Variants in ELF2 observed in about 807,000 individuals in gnomAD.
ELF2 encodes ETS-related transcription factor Elf-2.
ELF2 carries 11 observed loss-of-function variants against 54.8 expected under a neutral mutation model. That is an observed-to-expected ratio of 0.20 (90% CI 0.13 to 0.33). The LOEUF (loss-of-function observed/expected upper bound fraction) is 0.33. Among genes scored for constraint, ELF2 ranks in the 10% least tolerant of loss-of-function variants. The pLI is 1.00. For synonymous variants in ELF2, 203 were observed against 245.1 expected, an observed-to-expected ratio of 0.83 and a Z score of 1.61; for missense variants, 513 against 703.0, an observed-to-expected ratio of 0.73 and a Z score of 3.06.
intron 4 of ELF2, among the ~76,000 whole-genome samples, chr4:139,081,184 C>T (rs1731060849): frequency 6.6e-6 from 1 of 151,996 alleles, no homozygotes; most frequent in Non-Finnish European, 1.5e-5. Flanking sequence ...TTTTAAAGTA[C>T]GTCGAGTCTT....
chr4:139,059,717 A>ACT, intron 9 of ELF2, 110 bp from the exon 10 acceptor site: 2 of 1,307,354 alleles, frequency 1.5e-6, no homozygotes, highest in African/African-American at 1.5e-5. Context: ...TAGTGCTCCC[A>ACT]AATTTTACAG....
chr4:139,064,969 G>T (rs1728471697), intron 7 of ELF2, among the ~76,000 whole-genome samples: 1 of 152,100 alleles, frequency 6.6e-6, no homozygotes, highest in Non-Finnish European at 1.5e-5. Flanking sequence ...TATTACACCA[G>T]CATCACTACC....
chr4:139,114,784 G>C, intron 4 of ELF2: 3 of 1,445,626 alleles, frequency 2.1e-6, no homozygotes, highest in Non-Finnish European at 2.8e-6. Flanking sequence ...GAGGGGGCAG[G>C]GGAAGAGACC....
At chr4:139,172,755 T>G (rs1016036927) in intron 1 of ELF2, among the ~76,000 whole-genome samples, 9 of 151,970 alleles carry the variant, frequency 5.9e-5, no homozygotes, top group Non-Finnish European at 8.8e-5. Flanking sequence ...AATCTCTTAT[T>G]ATGTCTGATT....
intron 4 of ELF2, among the ~76,000 whole-genome samples, chr4:139,114,561 T>TCCAGTCTCTCACACACACA (rs70940492): frequency 4.6e-5 from 5 of 108,644 alleles, no homozygotes; most frequent in South Asian, 6.5e-4. Context: ...GACTTCAGTC[T>TCCAGTCTCTCACACACACA]CACACACACA....
chr4:139,095,511 T>C (rs1733164777), intron 4 of ELF2, among the ~76,000 whole-genome samples: 2 of 152,154 alleles, frequency 1.3e-5, no homozygotes, highest in Non-Finnish European at 2.9e-5. Context: ...ATATACTCTT[T>C]ATCAGGTTCC....
rs1731574221 is a variant in ELF2, at chr4:139,083,985, C to T, written c.239-10418G>A. The T allele has an allele frequency of 3.0e-6, 4 of 1,328,140 alleles. No homozygotes were observed. In the South Asian group the frequency reaches 5.3e-5, roughly 18 times the overall value. 82.3% of individuals were successfully genotyped at this position (1,328,140 alleles called of 1,614,324 possible). ...GATTCGTCGCCTCCATTACTTCATT[C>T]ACTCCCCCCTTTCCCCCAGCCGCCC... On this transcript the variant is annotated intron_variant, in intron 4 of 9. Coordinates refer to ENST00000686138, the MANE Select transcript of ELF2 (RefSeq NM_001331036.3).
chr4:139,073,263 G>C (rs1319660483), intron 5 of ELF2, among the ~76,000 whole-genome samples, 191 bp downstream of exon 5: 3 of 152,094 alleles, frequency 2.0e-5, no homozygotes, highest in Non-Finnish European at 2.9e-5. Context: ...TGTATCATTT[G>C]TTATGAAAAT....
intron 1 of ELF2, among the ~76,000 whole-genome samples, chr4:139,169,619 A>G (rs528872517): frequency 6.6e-6 from 1 of 152,220 alleles, no homozygotes; most frequent in East Asian, 1.9e-4. Context: ...GCACTTTGGG[A>G]GGCCCAGGTG....
intron 1 of ELF2, among the ~76,000 whole-genome samples, chr4:139,158,753 T>A (rs963559053): frequency 2.0e-5 from 3 of 152,104 alleles, no homozygotes; most frequent in Non-Finnish European, 4.4e-5. Flanking sequence ...ACTCAGGACA[T>A]CTAATTAGAG....
chr4:139,087,492 G>A (rs554829711), intron 4 of ELF2, among the ~76,000 whole-genome samples: 22 of 152,292 alleles, frequency 1.4e-4, no homozygotes, highest in African/African-American at 3.4e-4. Context: ...TTGAGACAGA[G>A]TCTCGCTCTG....
intron 4 of ELF2, among the ~76,000 whole-genome samples, chr4:139,097,201 G>A (rs571193635): frequency 1.2e-4 from 19 of 152,128 alleles, no homozygotes; most frequent in East Asian, 3.9e-4. Context: ...AGCCTCTGTC[G>A]CAGAGGCTGG....
At chr4:139,067,815 A>T (rs746544123) in intron 6 of ELF2, 45 bp from the exon 7 acceptor site, 1 of 1,518,506 alleles carries the variant, frequency 6.6e-7, no homozygotes, top group African/African-American at 1.4e-5. Context: ...AACAAGAAAA[A>T]TATGAGAGGC....
Position 139,080,077 on chromosome 4 carries a change from CATG to C in ELF2, c.239-6513_239-6511del, listed in dbSNP as rs374029588. On this transcript the variant is annotated intron_variant, in intron 4 of 9. Coordinates refer to ENST00000686138, the MANE Select transcript of ELF2 (RefSeq NM_001331036.3). The stretch of plus-strand genomic sequence containing the variant: ...GGAATCATTTTAAACAATTATCAAA[CATG>C]AGGAATTATTTTAAATAGTTATCAA... Among the ~76,000 whole-genome samples the C allele has an allele frequency of 6.1e-3, 928 of 152,278 alleles. 11 individuals are homozygous for C. The highest frequency in any genetic ancestry group is 0.021 in the African/African-American group (893 of 41,566).
intron 1 of ELF2, among the ~76,000 whole-genome samples, chr4:139,149,312 T>A (rs1453569479): frequency 6.6e-6 from 1 of 152,246 alleles, no homozygotes; most frequent in Admixed American, 6.5e-5. Flanking sequence ...TATAATTTTT[T>A]AAAAGAATAT....
chr4:139,068,421 T>C (rs1729036122), intron 6 of ELF2, among the ~76,000 whole-genome samples: 2 of 152,236 alleles, frequency 1.3e-5, no homozygotes, highest in East Asian at 1.9e-4. Flanking sequence ...TAGCAACTTA[T>C]TGCAGAAGAT....
rs146369741 is a variant in ELF2 at position 139,146,348 on chromosome 4, T to C, written c.-251-6851A>G. On this transcript the variant is annotated intron_variant, in intron 1 of 9. Transcript: ENST00000686138. Reference sequence around the variant, plus strand: ...GGTGAAAGATCTCTACAAGAAGAACTACAAACACTGATGAAAGAAACCATA... The same window carrying C: ...GGTGAAAGATCTCTACAAGAAGAACCACAAACACTGATGAAAGAAACCATA... 6.4e-4 allele frequency among the ~76,000 whole-genome samples: 98 copies of C among 152,168 alleles called. 2 individuals are homozygous for C. In the East Asian group the frequency reaches 0.018, roughly 28 times the overall value.
chr4:139,084,003 A>T, intron 4 of ELF2: 5 of 1,467,326 alleles, frequency 3.4e-6, no homozygotes, highest in Non-Finnish European at 4.6e-6. Context: ...CCTTTCCCCC[A>T]GCCGCCCCAG....
intron 5 of ELF2, 47 bp from the exon 6 acceptor site, chr4:139,072,086 T>C: frequency 6.3e-7 from 1 of 1,577,764 alleles, no homozygotes. Flanking sequence ...CCCATCAATG[T>C]TTCTTATGTG....
Sources: gnomAD v4.1 joint callset for allele counts (sites outside exome capture counted in the v4.1 genomes callset) on GRCh38, gnomAD v4.1.1 for gene constraint, MANE v1.5 for transcripts, NCBI Gene and HGNC (gene_info 2026-07-23, HGNC 2026-07-21) for gene names.